The following PLCH2 variants were observed in gnomAD, a reference collection of about 807,000 sequenced individuals.
PLCH2 encodes the protein phospholipase C eta 2, also known as 1-phosphatidylinositol 4,5-bisphosphate phosphodiesterase eta-2.
PLCH2 carries 98 observed loss-of-function variants against 134.7 expected under a neutral mutation model. The ratio of observed to expected loss-of-function variants is 0.73; its 90% CI spans 0.62 to 0.86. The LOEUF (loss-of-function observed/expected upper bound fraction) is 0.86. Ranked by LOEUF, PLCH2 falls within the 40% of genes least tolerant of loss-of-function variation. PLCH2 has a pLI of 0.00. For missense variants in PLCH2, 1,994 were observed against 1,986.6 expected, an observed-to-expected ratio of 1.00 and a Z score of -0.07; for synonymous variants, 974 against 827.5, an observed-to-expected ratio of 1.18 and a Z score of -3.04.
upstream of PLCH2, among the ~76,000 whole-genome samples, chr1:2,474,137 C>T (rs929759385): frequency 9.9e-5 from 15 of 152,010 alleles, no homozygotes; most frequent in African/African-American, 2.9e-4. Flanking sequence ...GCTCGCCTGC[C>T]GGCATGGGGG....
chr1:2,504,632 C>T lies in PLCH2; in HGVS notation c.3670C>T (p.Leu1224=), dbSNP rs1025536848. The change falls in exon 22 of 22, where the codon CTG becomes TTG. Residue 1224 remains leucine, a synonymous_variant. Coordinates refer to ENST00000378486, the MANE Select transcript of PLCH2 (RefSeq NM_014638.4). ...PIPDELQPRS[L]APRMAGLPFR... ...ACCTGACGAACTGCAGCCCAGGTCCCTGGCCCCAAGGATGGCTGGCCTCCC... is the reference window on the plus strand; with the variant it reads ...ACCTGACGAACTGCAGCCCAGGTCCTTGGCCCCAAGGATGGCTGGCCTCCC... 1.2e-6 allele frequency: 2 copies of T among 1,612,714 alleles called. No homozygotes were observed. Among genetic ancestry groups the T allele is most frequent in the Non-Finnish European group, 1.7e-6 (2 of 1,179,810 alleles).
chr1:2,487,627 C>A lies in PLCH2; in HGVS notation c.1144C>A (p.Pro382Thr), dbSNP rs780196781. 1.2e-6 allele frequency: 2 copies of A among 1,613,264 alleles called. No individual in the cohort carries two copies. Among genetic ancestry groups the A allele is most frequent in the Non-Finnish European group, 8.5e-7 (1 of 1,179,774 alleles). The part of the protein sequence containing the change: ...VDCWDGPDGE[P>T]IVHHGYTLTS... ...CTGCTGGGATGGGCCCGACGGGGAGCCCATTGTGCACCATGGCTACACTCT... is the reference window on the plus strand; with the variant it reads ...CTGCTGGGATGGGCCCGACGGGGAGACCATTGTGCACCATGGCTACACTCT... Residue 382 changes from proline (P) to threonine (T), a missense_variant, in exon 8 of 22, where the codon CCC becomes ACC. Around this residue, in one of 2 missense-constraint regions of PLCH2, gnomAD observed 1,094 missense variants for 1,234.3 expected, o/e 0.89. Coordinates refer to ENST00000378486, the MANE Select transcript of PLCH2 (RefSeq NM_014638.4).
chr1:2,454,276 G>A (rs527492605), intron 2 of PLCH2, among the ~76,000 whole-genome samples: 6 of 152,282 alleles, frequency 3.9e-5, no homozygotes, highest in South Asian at 4.1e-4. Context: ...CCAGTGCCCC[G>A]CCCACCATGC....
intron 2 of PLCH2, among the ~76,000 whole-genome samples, chr1:2,462,310 A>C (rs1312258681): frequency 4.3e-5 from 2 of 46,158 alleles, no homozygotes; most frequent in African/African-American, 8.5e-5. Context: ...TCTGCCTGAC[A>C]CCCCCTCTGC....
At chr1:2,449,980 G>A (rs1391198327) in intron 2 of PLCH2, among the ~76,000 whole-genome samples, 4 of 152,206 alleles carry the variant, frequency 2.6e-5, no homozygotes, top group South Asian at 2.1e-4. Context: ...GGCTGCCGCC[G>A]CCAAGCTCAG....
At chr1:2,485,315 C>G (rs547187028) in intron 5 of PLCH2, among the ~76,000 whole-genome samples, 21 of 152,334 alleles carry the variant, frequency 1.4e-4, no homozygotes, top group African/African-American at 4.3e-4. Flanking sequence ...ACCGCATGCC[C>G]TGGTGGCAGG....
chr1:2,469,193 A>C (rs1641210467), intron 1 of PLCH2, among the ~76,000 whole-genome samples: 1 of 152,158 alleles, frequency 6.6e-6, no homozygotes, highest in South Asian at 2.1e-4. Context: ...TGTGCTGGCC[A>C]CTGGGCTCAG....
upstream of PLCH2, among the ~76,000 whole-genome samples, chr1:2,424,814 T>C (rs376645807): frequency 2.2e-3 from 338 of 152,214 alleles, 1 homozygote; most frequent in East Asian, 6.8e-3. Context: ...AGTGAAACCC[T>C]GTCTCTACTA....
intron 11 of PLCH2, chr1:2,492,350 TC>T (rs1355066753): frequency 6.6e-6 from 1 of 152,200 alleles, no homozygotes; most frequent in Non-Finnish European, 1.5e-5. Flanking sequence ...TTTATTTTTA[TC>T]CCAAGGTGTC....
At chr1:2,455,794 G>T (rs1019236457) in intron 2 of PLCH2, among the ~76,000 whole-genome samples, 6 of 152,248 alleles carry the variant, frequency 3.9e-5, no homozygotes, top group South Asian at 2.1e-4. Context: ...AGCCCCTCGG[G>T]CCCTCCACCC....
At position 2,448,046 on chromosome 1, in the gene PLCH2, G is replaced by T. The variant is rs1640021732; in HGVS notation, c.115+17417G>T. Among the ~76,000 whole-genome samples, 1 of 152,174 alleles carries T rather than the reference G, an allele frequency of 6.6e-6. No individual in the cohort carries two copies. The highest frequency in any genetic ancestry group is 2.1e-4 in the South Asian group (1 of 4,832). On this transcript the variant is annotated intron_variant, in intron 2 of 3. Coordinates refer to the PLCH2 transcript ENST00000609981. The surrounding 1 kb of genome is among the most constrained non-coding windows in gnomAD (Gnocchi z 4.0). ...GGGCATGGTGCCCCTGGCTGCTGTG[G>T]TCCTTTTTCCCTGGTCGTGGCCTCC... is the stretch of plus-strand genomic sequence containing the variant.
chr1:2,418,037 C>T, the PLCH2 span, among the ~76,000 whole-genome samples: 3 of 152,210 alleles, frequency 2.0e-5, no homozygotes, highest in Non-Finnish European at 4.4e-5. Context: ...ATCCCTGTGT[C>T]CTGCCCCCAA....
chr1:2,499,557 A>G, intron 19 of PLCH2, 84 bp from the exon 20 acceptor site: 2 of 1,055,472 alleles, frequency 1.9e-6, no homozygotes, highest in South Asian at 1.3e-5. Context: ...GGGTCTTGGG[A>G]CCTTTAAGTA....
Position 2,502,251 on chromosome 1 carries a change from C to T in PLCH2, c.2801C>T (p.Thr934Ile). Reference sequence around the variant, plus strand: ...CTGCGGCGCACGGCCAGCGCCCCGACCAAGAGCCAGAAGCCGGGCCGCAGG... The same window carrying T: ...CTGCGGCGCACGGCCAGCGCCCCGATCAAGAGCCAGAAGCCGGGCCGCAGG... Reference protein sequence around the residue: ...RILRRTASAPTKSQKPGRRGF... With the variant: ...RILRRTASAPIKSQKPGRRGF... The change falls in exon 21 of 22, where the codon ACC becomes ATC. Residue 934 changes from threonine (T) to isoleucine (I), a missense_variant. Coordinates refer to ENST00000378486, the MANE Select transcript of PLCH2 (RefSeq NM_014638.4). 1 of 1,541,748 alleles carries T rather than the reference C, an allele frequency of 6.5e-7. No homozygotes were observed. The highest frequency in any genetic ancestry group is 8.7e-7 in the Non-Finnish European group (1 of 1,144,898).
rs1459797512 is a variant in PLCH2, at chr1:2,484,463, G to A, written c.661G>A (p.Asp221Asn). Residue 221 changes from aspartate (D) to asparagine (N), a missense_variant, in exon 5 of 22, where the codon GAC becomes AAC. Physicochemically the swap from Asp to Asn is conservative, Grantham distance 23 (BLOSUM62 1). Coordinates refer to ENST00000378486, the MANE Select transcript of PLCH2 (RefSeq NM_014638.4). ...TGCATTGCAGGAAGCGGACACGGATGACCACCAAGGGACGCTGGGTTTTGA... is the reference window on the plus strand; with the variant it reads ...TGCATTGCAGGAAGCGGACACGGATAACCACCAAGGGACGCTGGGTTTTGA... ...KQMFREADTD[D>N]HQGTLGFEEF... 5.0e-6 allele frequency: 8 copies of A among 1,613,198 alleles called. No individual in the cohort carries two copies. In the Admixed American group the frequency reaches 8.3e-5, roughly 17 times the overall value.
At chr1:2,432,896 G>T (rs1324408836) in intron 2 of PLCH2, among the ~76,000 whole-genome samples, 3 of 152,208 alleles carry the variant, frequency 2.0e-5, no homozygotes, top group African/African-American at 7.2e-5. Context: ...GTGGGGAGGG[G>T]TCTGTGGCAG....
chr1:2,444,869 C>T lies in PLCH2; in HGVS notation c.115+14240C>T, dbSNP rs556789552. Among the ~76,000 whole-genome samples the T allele has an allele frequency of 1.4e-4, 22 of 152,182 alleles. No homozygotes were observed. The highest frequency in any genetic ancestry group is 5.3e-4 in the African/African-American group (22 of 41,528). On this transcript the variant is annotated intron_variant, in intron 2 of 3. Coordinates refer to the PLCH2 transcript ENST00000609981. This position sits in a 1 kb window ranked among gnomAD's most constrained non-coding sequence, Gnocchi z 4.6. ...GGCGGGGTCACGGTGCCCCAACACCCCTGACTTGGGGAGCCCATGGTGTCT... is the reference window on the plus strand; with the variant it reads ...GGCGGGGTCACGGTGCCCCAACACCTCTGACTTGGGGAGCCCATGGTGTCT...
rs146827074 is a variant in PLCH2 at position 2,453,196 on chromosome 1, C to T, written c.115+22567C>T. Reference sequence around the variant, plus strand: ...GGGCAGCCGGGACAATTTGCCAAAACGCAAGTCTGCCCCCCGACAGCGCCA... The same window carrying T: ...GGGCAGCCGGGACAATTTGCCAAAATGCAAGTCTGCCCCCCGACAGCGCCA... On this transcript the variant is annotated intron_variant, in intron 2 of 3. Coordinates refer to the PLCH2 transcript ENST00000609981. Among the ~76,000 whole-genome samples, 1,290 of 152,326 alleles carry T rather than the reference C, an allele frequency of 8.5e-3. 18 individuals are homozygous for T. Among genetic ancestry groups the T allele is most frequent in the African/African-American group, 0.028 (1,174 of 41,566 alleles).
chr1:2,422,874 T>C (rs1638587106), upstream of PLCH2, among the ~76,000 whole-genome samples: 1 of 152,210 alleles, frequency 6.6e-6, no homozygotes, highest in Admixed American at 6.5e-5. Flanking sequence ...AATTTACCTG[T>C]GCATAATTTT....
Sources: gnomAD v4.1 joint callset for allele counts (sites outside exome capture counted in the v4.1 genomes callset) on GRCh38, gnomAD v4.1.1 for gene constraint, gnomAD v4.1.1 regional missense constraint, Gnocchi (gnomAD v3.1) non-coding constraint, MANE v1.5 for transcripts, NCBI Gene and HGNC (gene_info 2026-07-23, HGNC 2026-07-21) for gene names.